Variants in C16orf87 observed in about 807,000 individuals in gnomAD.
C16orf87 encodes UPF0547 protein C16orf87.
C16orf87 carries 13 observed loss-of-function variants against 21.0 expected under a neutral mutation model. The ratio of observed to expected loss-of-function variants is 0.62; its 90% CI spans 0.40 to 0.98. The LOEUF (loss-of-function observed/expected upper bound fraction) is 0.98, where lower values mean the gene tolerates loss of function less well. C16orf87 is among the 50% of genes least tolerant of loss of function. The pLI is 0.00. For missense variants in C16orf87, 113 were observed against 180.4 expected (o/e 0.63, Z 2.14); for synonymous variants, 49 against 60.2 (o/e 0.81, Z 0.86).
At chr16:46,816,161 T>TA (rs976953091) in intron 2 of C16orf87, among the ~76,000 whole-genome samples, 2 of 152,214 alleles carry the variant, frequency 1.3e-5, no homozygotes, top group African/African-American at 4.8e-5. Context: ...TGATTCCACT[T>TA]ACATGAGATG....
At chr16:46,806,639 T>C (rs1001972125) in intron 3 of C16orf87, among the ~76,000 whole-genome samples, 2 of 152,186 alleles carry the variant, frequency 1.3e-5, no homozygotes, top group African/African-American at 4.8e-5. Context: ...TTCTATATTA[T>C]AATATCCAGA....
At chr16:46,822,237 T>C (rs1427526276) in intron 2 of C16orf87, among the ~76,000 whole-genome samples, 1 of 152,178 alleles carries the variant, frequency 6.6e-6, no homozygotes, top group East Asian at 1.9e-4. Flanking sequence ...TTTATCTTTG[T>C]TGACTTTCTT....
rs1410349688 is a variant in C16orf87, at chr16:46,796,775, T to C, written c.*6177A>G. ...AATACCAAAGAGTCTAACACTTGCA[T>C]CACTGGAGCCTAAGAGGGAGGAGAA... is the stretch of plus-strand genomic sequence containing the variant. On this transcript the variant is annotated 3_prime_UTR_variant, in exon 4 of 4. Transcript: ENST00000285697. 2 of 152,206 alleles carry C rather than the reference T, an allele frequency of 1.3e-5. No individual in the cohort carries two copies. Among genetic ancestry groups the C allele is most frequent in the Non-Finnish European group, 2.9e-5 (2 of 68,042 alleles). The allele number at this position is 152,206 out of a possible 1,614,324, so 9.4% of individuals were successfully genotyped here. A position where few individuals can be genotyped will look rare whatever the true frequency, so the allele number is the denominator to read the frequency against.
intron 2 of C16orf87, among the ~76,000 whole-genome samples, chr16:46,818,324 T>C (rs1182848372): frequency 6.6e-6 from 1 of 152,212 alleles, no homozygotes; most frequent in Non-Finnish European, 1.5e-5. Flanking sequence ...CTCCATTTTT[T>C]TCCCTTAACT....
intron 3 of C16orf87, among the ~76,000 whole-genome samples, chr16:46,807,243 C>T (rs1405395552): frequency 6.6e-6 from 1 of 152,072 alleles, no homozygotes; most frequent in African/African-American, 2.4e-5. Context: ...GAGTTTGAGA[C>T]CAGCCTGAGC....
At position 46,803,774 on chromosome 16, in the gene C16orf87, A is replaced by G. The variant is rs1967844170; in HGVS notation, c.347-704T>C. Among the ~76,000 whole-genome samples the G allele has an allele frequency of 1.1e-4, 17 of 151,072 alleles. 1 individual carries two copies. The highest frequency in any genetic ancestry group is 1.1e-3 in the Admixed American group (17 of 15,150). ...CCCATACACATTTTCCACTCTCCAAATGCAACTACTTTTTTTGTGACTTTT... is the reference window on the plus strand; with the variant it reads ...CCCATACACATTTTCCACTCTCCAAGTGCAACTACTTTTTTTGTGACTTTT... On this transcript the variant is annotated intron_variant, in intron 3 of 3. Coordinates refer to ENST00000285697, the MANE Select transcript of C16orf87 (RefSeq NM_001001436.4).
At chr16:46,811,395 T>TG (rs1555477043) in intron 2 of C16orf87, among the ~76,000 whole-genome samples, 1 of 151,394 alleles carries the variant, frequency 6.6e-6, no homozygotes, top group Non-Finnish European at 1.5e-5. Context: ...CCCAGCTACT[T>TG]GGGAGGCTGA....
At chr16:46,823,894 G>C (rs1959516670) in intron 2 of C16orf87, among the ~76,000 whole-genome samples, 1 of 152,178 alleles carries the variant, frequency 6.6e-6, no homozygotes, top group East Asian at 1.9e-4. Context: ...ACAGAAAGCA[G>C]ATCTGTGGTT....
At position 46,801,841 on chromosome 16, in the gene C16orf87, T is replaced by C. The variant is rs1392684034; in HGVS notation, c.*1111A>G. ...GGCTTTAAAAGGATTTCTAAACAGA[T>C]TGGGGGAAGAGCGACTGAAAATAAG... On this transcript the variant is annotated 3_prime_UTR_variant, in exon 4 of 4. Transcript: ENST00000285697. 2 of 152,242 alleles carry C rather than the reference T, an allele frequency of 1.3e-5. No individual in the cohort carries two copies. The highest frequency in any genetic ancestry group is 4.8e-5 in the African/African-American group (2 of 41,560). 9.4% of individuals were successfully genotyped at this position (152,242 alleles called of 1,614,324 possible).
intron 3 of C16orf87, 138 bp downstream of exon 3, chr16:46,809,465 G>C (rs1968020246): frequency 1.6e-6 from 1 of 616,844 alleles, no homozygotes; most frequent in Admixed American, 2.7e-5. Context: ...CTACCACAGA[G>C]GAAATGCTTT....
Position 46,796,877 on chromosome 16 carries a change from C to T in C16orf87, c.*6075G>A, listed in dbSNP as rs1372681555. The T allele has an allele frequency of 1.3e-5, 2 of 152,156 alleles. No homozygotes were observed. Among genetic ancestry groups the T allele is most frequent in the Non-Finnish European group, 2.9e-5 (2 of 68,032 alleles). The allele number at this position is 152,156 out of a possible 1,614,324, so 9.4% of individuals were successfully genotyped here. On this transcript the variant is annotated 3_prime_UTR_variant, in exon 4 of 4. Coordinates refer to ENST00000285697, the MANE Select transcript of C16orf87 (RefSeq NM_001001436.4). ...AGGCATAAACTTACACATTTAAGCTCAACAAATCCCAAAGAGAATAAATTC... is the reference window on the plus strand; with the variant it reads ...AGGCATAAACTTACACATTTAAGCTTAACAAATCCCAAAGAGAATAAATTC...
At chr16:46,830,435 G>C (rs1160409204) in intron 1 of C16orf87, among the ~76,000 whole-genome samples, 1 of 152,104 alleles carries the variant, frequency 6.6e-6, no homozygotes, top group Non-Finnish European at 1.5e-5. Context: ...GCTTAAACAG[G>C]GGCTTTATTC....
At chr16:46,809,810 T>C (rs1968032667) in intron 2 of C16orf87, 25 bp from the exon 3 acceptor site, 1 of 1,509,750 alleles carries the variant, frequency 6.6e-7, no homozygotes, top group Non-Finnish European at 9.1e-7. Context: ...AAAAGTGATA[T>C]ATTTTAGGGC....
intron 1 of C16orf87, among the ~76,000 whole-genome samples, chr16:46,828,790 C>T (rs1441761365): frequency 6.6e-6 from 1 of 152,114 alleles, no homozygotes; most frequent in African/African-American, 2.4e-5. Context: ...TAGAAAATGG[C>T]TTTCTGGATT....
intron 2 of C16orf87, among the ~76,000 whole-genome samples, chr16:46,823,025 C>T (rs1229137232): frequency 6.6e-6 from 1 of 152,166 alleles, no homozygotes; most frequent in Non-Finnish European, 1.5e-5. Flanking sequence ...AAAATGTTTT[C>T]CAACCTTAGA....
intron 2 of C16orf87, among the ~76,000 whole-genome samples, chr16:46,813,758 A>G (rs1968165705): frequency 6.6e-6 from 1 of 152,174 alleles, no homozygotes; most frequent in East Asian, 1.9e-4. Flanking sequence ...TTCATAAGAT[A>G]AGCCTTTTTT....
In C16orf87 at chr16:46,811,940, G is replaced by A. The variant is rs1157482486; in HGVS notation, c.164-2155C>T. On this transcript the variant is annotated intron_variant, in intron 2 of 3. Transcript: ENST00000285697. ...CCTGTCTCAGCCTGGGTGACAAAGC[G>A]ACACCCTGTTCTTAAACAAATGACA... Among the ~76,000 whole-genome samples the A allele has an allele frequency of 4.6e-5, 7 of 151,992 alleles. No individual in the cohort carries two copies. The East Asian group carries it at 5.8e-4, about 13-fold the overall frequency.
At chr16:46,814,540 G>A (rs1367913544) in intron 2 of C16orf87, among the ~76,000 whole-genome samples, 1 of 152,158 alleles carries the variant, frequency 6.6e-6, no homozygotes, top group Non-Finnish European at 1.5e-5. Flanking sequence ...ATTCACCAGT[G>A]TACTGCCTGC....
At chr16:46,815,422 C>G (rs1424826748) in intron 2 of C16orf87, among the ~76,000 whole-genome samples, 3 of 150,464 alleles carry the variant, frequency 2.0e-5, no homozygotes, top group Non-Finnish European at 3.0e-5. Flanking sequence ...AATTAAACTT[C>G]TGTGTATCAA....
Sources: allele counts gnomAD v4.1 joint callset (sites outside exome capture counted in the v4.1 genomes callset), GRCh38; gene constraint gnomAD v4.1.1; transcripts MANE v1.5; gene names NCBI Gene and HGNC (gene_info 2026-07-23, HGNC 2026-07-21).